CTNNAL1: variants seen among roughly 807,000 people sequenced by gnomAD.
CTNNAL1 encodes catenin alpha like 1.
Under a neutral mutation model 93.6 loss-of-function variants are expected in CTNNAL1, and 69 were observed. That is an observed-to-expected ratio of 0.74 (90% CI 0.61 to 0.90). The LOEUF (loss-of-function observed/expected upper bound fraction) is 0.90. Among genes scored for constraint, CTNNAL1 ranks in the 40% least tolerant of loss-of-function variants. The probability of loss-of-function intolerance (pLI) is 0.00; values close to 1 mark genes in which losing one functional copy is unlikely to be tolerated. For missense variants in CTNNAL1, 836 were observed against 862.0 expected (o/e 0.97, Z 0.38); for synonymous variants, 286 against 305.4 (o/e 0.94, Z 0.66).
intron 14 of CTNNAL1, among the ~76,000 whole-genome samples, chr9:108,951,074 G>T (rs969648916): frequency 6.6e-6 from 1 of 151,642 alleles, no homozygotes; most frequent in Non-Finnish European, 1.5e-5. Context: ...CAAGTGGCGC[G>T]ATCTCAGCTC....
At chr9:108,950,770 T>A in intron 14 of CTNNAL1, 1 of 781,522 alleles carries the variant, frequency 1.3e-6, no homozygotes, top group Non-Finnish European at 1.9e-6. Flanking sequence ...CTCTTGGAAG[T>A]GAAGCTGCCT....
chr9:108,942,914 T>C (rs1564117155), intron 18 of CTNNAL1, 47 bp downstream of exon 18: 1 of 1,609,340 alleles, frequency 6.2e-7, no homozygotes. Context: ...TATTTTCTTT[T>C]AAACCATTTT....
At position 109,012,779 on chromosome 9, in the gene CTNNAL1, G is replaced by A. The variant is rs532392937; in HGVS notation, c.141+523C>T. On this transcript the variant is annotated intron_variant, in intron 1 of 18. Transcript: ENST00000325551. ...GAGGCCAGCGAACTGACCTACGGCGGGGAGGGACAAAGGATCAGGGAGCGC... is the reference window on the plus strand; with the variant it reads ...GAGGCCAGCGAACTGACCTACGGCGAGGAGGGACAAAGGATCAGGGAGCGC... Among the ~76,000 whole-genome samples the A allele has an allele frequency of 5.2e-4, 79 of 152,344 alleles. 1 individual carries two copies. The highest frequency in any genetic ancestry group is 1.9e-3 in the African/African-American group (78 of 41,584).
intron 15 of CTNNAL1, among the ~76,000 whole-genome samples, chr9:108,945,463 C>CTTTT (rs578073650): frequency 1.5e-5 from 2 of 135,508 alleles, no homozygotes; most frequent in South Asian, 2.4e-4. Flanking sequence ...GGTTTTCTTC[C>CTTTT]TTTTTTTTTT....
chr9:109,013,184 G>A, intron 1 of CTNNAL1, 118 bp downstream of exon 1: 2 of 1,258,466 alleles, frequency 1.6e-6, no homozygotes, highest in Middle Eastern at 2.3e-4. Flanking sequence ...CAAGAACGCC[G>A]CAGTGCCGGC....
chr9:108,943,583 C>A (rs1050511186), intron 17 of CTNNAL1, 120 bp downstream of exon 17: 3 of 730,146 alleles, frequency 4.1e-6, no homozygotes, highest in Non-Finnish European at 6.5e-6. Context: ...TTCTTGTAGA[C>A]AAGGCATGAA....
At chr9:108,944,981 C>T (rs1587938770) in intron 15 of CTNNAL1, among the ~76,000 whole-genome samples, 1 of 152,314 alleles carries the variant, frequency 6.6e-6, no homozygotes, top group East Asian at 1.9e-4. Flanking sequence ...GATTCACTTC[C>T]CCAAGTGTTC....
rs538378748 is a variant in CTNNAL1, at chr9:109,010,536, C to CT, written c.141+2765dup. On this transcript the variant is annotated intron_variant, in intron 1 of 18. Transcript: ENST00000325551. ...TAAGTAAAAGTTTTCTGTAGATACT[C>CT]TATCAGGTTAAGGACACTTTTTCCT... Among the ~76,000 whole-genome samples, 3 of 152,308 alleles carry CT rather than the reference C, an allele frequency of 2.0e-5. No individual in the cohort carries two copies. The East Asian group carries it at 5.8e-4, about 29-fold the overall frequency.
chr9:108,994,729 C>A (rs1237035722), intron 2 of CTNNAL1, among the ~76,000 whole-genome samples: 3 of 152,160 alleles, frequency 2.0e-5, no homozygotes, highest in Non-Finnish European at 4.4e-5. Flanking sequence ...TCTGTCCCCT[C>A]CCACATCATA....
intron 1 of CTNNAL1, among the ~76,000 whole-genome samples, chr9:109,012,895 G>A (rs1357342122): frequency 6.6e-6 from 1 of 152,180 alleles, no homozygotes; most frequent in Admixed American, 6.5e-5. Context: ...CGGTTATCGT[G>A]GAGGGCCCTA....
chr9:108,953,484 G>A (rs761058744), intron 12 of CTNNAL1, among the ~76,000 whole-genome samples: 4 of 151,838 alleles, frequency 2.6e-5, no homozygotes, highest in Non-Finnish European at 4.4e-5. Context: ...CATTGGGTAT[G>A]GATTCACATA....
intron 1 of CTNNAL1, among the ~76,000 whole-genome samples, chr9:109,006,981 G>A (rs1035724799): frequency 6.6e-6 from 1 of 152,182 alleles, no homozygotes; most frequent in Non-Finnish European, 1.5e-5. Flanking sequence ...CACTTTGGGA[G>A]GCCAAGGCTG....
chr9:109,002,781 C>T lies in CTNNAL1; in HGVS notation c.142-3525G>A, dbSNP rs369189788. Among the ~76,000 whole-genome samples the T allele has an allele frequency of 4.0e-5, 6 of 150,602 alleles. No homozygotes were observed. In the South Asian group the frequency reaches 8.4e-4, roughly 21 times the overall value. ...GGCAGATCACCTGAGGTTGGGAGTT[C>T]GAGACCAGCCTGACCAACATGGAGA... On this transcript the variant is annotated intron_variant, in intron 1 of 18. Coordinates refer to ENST00000325551, the MANE Select transcript of CTNNAL1 (RefSeq NM_003798.4).
intron 5 of CTNNAL1, 102 bp from the exon 6 acceptor site, chr9:108,983,417 C>A: frequency 8.0e-7 from 1 of 1,254,798 alleles, no homozygotes; most frequent in Non-Finnish European, 1.0e-6. Context: ...GGTTCTTTAC[C>A]AAAATCTCCT....
intron 10 of CTNNAL1, among the ~76,000 whole-genome samples, chr9:108,969,411 C>G (rs1006263883): frequency 2.6e-5 from 4 of 151,894 alleles, no homozygotes; most frequent in African/African-American, 7.3e-5. Flanking sequence ...TATAGAAAAT[C>G]CAGAAAAAAA....
chr9:108,970,479 G>T lies in CTNNAL1; in HGVS notation c.1363C>A (p.Arg455=), dbSNP rs373990953. The T allele has an allele frequency of 6.2e-7, 1 of 1,610,550 alleles. No individual in the cohort carries two copies. The highest frequency in any genetic ancestry group is 8.5e-7 in the Non-Finnish European group (1 of 1,178,586). ...AGAGGTTCTGTCCCAGATATGTGTC[G>T]TAACAATCGACAGGTCTACAAGACA... ...EQLVETCRLL[R]HISGTEPLEI... is the part of the protein sequence containing the mutation. The change falls in exon 10 of 19, where the codon CGA becomes AGA. Residue 455 remains arginine (R), a synonymous_variant. Transcript: ENST00000325551.
At chr9:108,957,800 A>C (rs1329667152) in intron 11 of CTNNAL1, among the ~76,000 whole-genome samples, 1 of 152,130 alleles carries the variant, frequency 6.6e-6, no homozygotes, top group Non-Finnish European at 1.5e-5. Context: ...AAGTGCTCTT[A>C]GCATATTATA....
At chr9:108,990,947 G>T in intron 3 of CTNNAL1, 102 bp from the exon 4 acceptor site, 1 of 1,387,690 alleles carries the variant, frequency 7.2e-7, no homozygotes, top group Non-Finnish European at 9.6e-7. Context: ...TGAATTCTAG[G>T]TGAAAGCTGA....
rs998723661 is a variant in CTNNAL1, at chr9:108,999,867, G to C, written c.142-611C>G. ...CCAGGCCCTGAAATAAAATACAAAA[G>C]GTGACAACTTCAGCTCACTGAAACA... On this transcript the variant is annotated intron_variant, in intron 1 of 18. Transcript: ENST00000325551. Among the ~76,000 whole-genome samples, 19 of 152,212 alleles carry C rather than the reference G, an allele frequency of 1.2e-4. No homozygotes were observed. The South Asian group carries it at 3.7e-3, about 30-fold the overall frequency.
Sources: gnomAD v4.1 joint callset for allele counts (sites outside exome capture counted in the v4.1 genomes callset) on GRCh38, gnomAD v4.1.1 for gene constraint, MANE v1.5 for transcripts, NCBI Gene and HGNC (gene_info 2026-07-23, HGNC 2026-07-21) for gene names.